The following ICA1 variants were observed in gnomAD, a reference collection of about 807,000 sequenced individuals.
ICA1 encodes islet cell autoantigen 1, also known as 69 kDa islet cell autoantigen.
Under a neutral mutation model 71.0 loss-of-function variants are expected in ICA1, and 40 were observed. The ratio of observed to expected loss-of-function variants is 0.56; its 90% confidence interval spans 0.44 to 0.73. The LOEUF is 0.73. ICA1 is among the 30% of genes least tolerant of loss of function. The pLI is 0.00. For synonymous variants in ICA1, 207 were observed against 209.5 expected, an observed-to-expected ratio of 0.99 and a Z score of 0.10; for missense variants, 578 against 576.5, an observed-to-expected ratio of 1.00 and a Z score of -0.03.
chr7:8,125,317 C>G (rs907673311), intron 13 of ICA1, among the ~76,000 whole-genome samples: 2 of 152,234 alleles, frequency 1.3e-5, no homozygotes, highest in African/African-American at 4.8e-5. Flanking sequence ...GCATCCCTCC[C>G]CCTTGCTTAG....
intron 6 of ICA1, among the ~76,000 whole-genome samples, chr7:8,192,869 G>T (rs1247214772): frequency 6.6e-6 from 1 of 152,100 alleles, no homozygotes; most frequent in Non-Finnish European, 1.5e-5. Flanking sequence ...TGGCGAATGG[G>T]AGCCTCTTTG....
At chr7:8,162,829 T>A (rs185841205) in intron 6 of ICA1, among the ~76,000 whole-genome samples, 3 of 152,214 alleles carry the variant, frequency 2.0e-5, no homozygotes, top group African/African-American at 7.2e-5. Context: ...AGTGGTGCGA[T>A]CTTGGCTCAC....
At chr7:8,168,836 T>C (rs1194503390) in intron 6 of ICA1, among the ~76,000 whole-genome samples, 1 of 152,128 alleles carries the variant, frequency 6.6e-6, no homozygotes, top group African/African-American at 2.4e-5. Flanking sequence ...ATTTCCTTCA[T>C]TATCATATCA....
chr7:8,212,028 C>T (rs1793963621), intron 6 of ICA1, among the ~76,000 whole-genome samples: 1 of 152,160 alleles, frequency 6.6e-6, no homozygotes, highest in Non-Finnish European at 1.5e-5. Context: ...AAAAATATTA[C>T]CCATTTGTAA....
At chr7:8,183,664 A>C (rs947667493) in intron 6 of ICA1, among the ~76,000 whole-genome samples, 1 of 152,216 alleles carries the variant, frequency 6.6e-6, no homozygotes, top group African/African-American at 2.4e-5. Context: ...CTGGAAAATA[A>C]GCATGAGATA....
intron 6 of ICA1, among the ~76,000 whole-genome samples, chr7:8,192,373 G>A (rs772271494): frequency 6.6e-6 from 1 of 152,080 alleles, no homozygotes; most frequent in Non-Finnish European, 1.5e-5. Context: ...CTTAAATTAA[G>A]GTTATACACC....
intron 1 of ICA1, among the ~76,000 whole-genome samples, chr7:8,252,319 G>A (rs922206656): frequency 5.9e-5 from 9 of 152,146 alleles, no homozygotes; most frequent in Admixed American, 3.3e-4. Context: ...TACGCCCTTC[G>A]ATGTCAGCAC....
rs1443244180 is a variant in ICA1 at position 8,234,998 on chromosome 7, T to C, written c.17+912A>G. ...GGCCAACATGGTGAAACCCCGTCTG[T>C]ACTAAAAATACAAAAATTAGCCAGG... On this transcript the variant is annotated intron_variant, in intron 2 of 13. Transcript: ENST00000402384. The surrounding 1 kb of genome is among the most constrained non-coding windows in gnomAD (Gnocchi z 4.5). Among the ~76,000 whole-genome samples the C allele has an allele frequency of 1.3e-5, 2 of 152,018 alleles. No individual in the cohort carries two copies. The highest frequency in any genetic ancestry group is 2.9e-5 in the Non-Finnish European group (2 of 67,990).
intron 8 of ICA1, among the ~76,000 whole-genome samples, chr7:8,147,160 C>G (rs552665441): frequency 6.6e-6 from 1 of 152,262 alleles, no homozygotes; most frequent in South Asian, 2.1e-4. Context: ...GCCTAAACCC[C>G]TGACATGCCC....
intron 6 of ICA1, among the ~76,000 whole-genome samples, chr7:8,201,043 T>C (rs933944650): frequency 2.0e-5 from 3 of 152,132 alleles, no homozygotes; most frequent in Admixed American, 2.0e-4. Context: ...CTTTCTAGAG[T>C]GACAATGCTT....
At chr7:8,207,129 A>T (rs1195885077) in intron 6 of ICA1, among the ~76,000 whole-genome samples, 2 of 152,242 alleles carry the variant, frequency 1.3e-5, no homozygotes, top group Non-Finnish European at 2.9e-5. Context: ...CACAGTGAGG[A>T]ATCAGCATCT....
chr7:8,221,498 G>T (rs1044931889), intron 4 of ICA1, 100 bp from the exon 5 acceptor site: 2 of 1,341,160 alleles, frequency 1.5e-6, no homozygotes, highest in South Asian at 2.5e-5. Context: ...TTCCAGAGGC[G>T]AAGACGAGAT....
In ICA1 at chr7:8,166,362, T is replaced by C. The variant is rs139674564; in HGVS notation, c.580-7710A>G. Among the ~76,000 whole-genome samples the C allele has an allele frequency of 1.9e-3, 289 of 152,262 alleles. 5 individuals carry two copies. The East Asian group carries it at 0.042, about 22-fold the overall frequency. ...CCACACACCTACAACCATGTGATCT[T>C]CAACAAAGTCGACAAAAACAAGTAA... On this transcript the variant is annotated intron_variant, in intron 6 of 13. Transcript: ENST00000402384.
intron 6 of ICA1, among the ~76,000 whole-genome samples, chr7:8,174,465 C>T (rs1463612418): frequency 1.3e-5 from 2 of 151,868 alleles, no homozygotes; most frequent in South Asian, 2.1e-4. Flanking sequence ...TTGCCCCCCA[C>T]ATTATAGTGT....
intron 6 of ICA1, among the ~76,000 whole-genome samples, chr7:8,176,162 A>T (rs1780568795): frequency 6.6e-6 from 1 of 152,216 alleles, no homozygotes; most frequent in Non-Finnish European, 1.5e-5. Flanking sequence ...CTTTGCACCC[A>T]GGCCCTGCCT....
intron 6 of ICA1, among the ~76,000 whole-genome samples, chr7:8,197,294 C>T (rs943855927): frequency 7.9e-5 from 12 of 151,694 alleles, no homozygotes; most frequent in Non-Finnish European, 1.8e-4. Flanking sequence ...GTGGCTCACG[C>T]CTGTAATCCC....
At chr7:8,216,198 T>C (rs1453492062) in intron 6 of ICA1, among the ~76,000 whole-genome samples, 24 of 152,222 alleles carry the variant, frequency 1.6e-4, no homozygotes, top group Admixed American at 1.6e-3. Context: ...CCTGGAATCT[T>C]GTCATCTGTT....
chr7:8,259,604 C>A (rs765822156), intron 1 of ICA1, among the ~76,000 whole-genome samples: 1 of 152,160 alleles, frequency 6.6e-6, no homozygotes, highest in Non-Finnish European at 1.5e-5. Context: ...ATTTTATATA[C>A]ATTATCTCTA....
chr7:8,252,784 T>C (rs1195829070), intron 1 of ICA1, among the ~76,000 whole-genome samples: 1 of 151,718 alleles, frequency 6.6e-6, no homozygotes, highest in African/African-American at 2.4e-5. Context: ...TTTTTGCTTA[T>C]TTATTACTTT....
Sources: allele counts gnomAD v4.1 joint callset (sites outside exome capture counted in the v4.1 genomes callset), GRCh38; gene constraint gnomAD v4.1.1; non-coding constraint Gnocchi (gnomAD v3.1); transcripts MANE v1.5; gene names NCBI Gene and HGNC (gene_info 2026-07-23, HGNC 2026-07-21).